The following KCNN2 variants were observed in gnomAD, a reference collection of about 807,000 sequenced individuals.
The protein encoded by KCNN2 is potassium calcium-activated channel subfamily N member 2, also known as small conductance calcium-activated potassium channel protein 2.
KCNN2 carries 24 observed loss-of-function variants against 55.5 expected under a neutral mutation model. The ratio of observed to expected loss-of-function variants is 0.43; its 90% CI spans 0.31 to 0.61. KCNN2 has a LOEUF of 0.61. Among genes scored for constraint, KCNN2 ranks in the 20% least tolerant of loss-of-function variants. The pLI is 0.08. For synonymous variants in KCNN2, 431 were observed against 336.1 expected (o/e 1.28, Z -3.09); for missense variants, 754 against 853.6 (o/e 0.88, Z 1.45).
At chr5:114,478,456 C>T (rs574193080) in intron 5 of KCNN2, among the ~76,000 whole-genome samples, 112 of 151,812 alleles carry the variant, frequency 7.4e-4, no homozygotes, top group African/African-American at 2.6e-3. Context: ...GAGTATGGTA[C>T]TAAGTTGGAA....
intron 2 of KCNN2, among the ~76,000 whole-genome samples, chr5:114,253,239 T>C (rs918288080): frequency 6.6e-6 from 1 of 150,670 alleles, no homozygotes; most frequent in Non-Finnish European, 1.5e-5. Flanking sequence ...CTTCAACCCC[T>C]AAATAAAACA....
At chr5:114,071,171 G>C (rs1470884737) in intron 1 of KCNN2, among the ~76,000 whole-genome samples, 1 of 152,186 alleles carries the variant, frequency 6.6e-6, no homozygotes, top group African/African-American at 2.4e-5. Flanking sequence ...TTATATAATG[G>C]CTGTAATTTC....
At chr5:114,142,990 G>A (rs1043275563) in intron 1 of KCNN2, among the ~76,000 whole-genome samples, 15 of 152,060 alleles carry the variant, frequency 9.9e-5, no homozygotes, top group African/African-American at 2.9e-4. Context: ...GCAATGCAAC[G>A]GGGCTCTTTC....
chr5:114,323,142 A>G (rs1361517751), intron 2 of KCNN2, among the ~76,000 whole-genome samples: 1 of 152,214 alleles, frequency 6.6e-6, no homozygotes, highest in Non-Finnish European at 1.5e-5. Context: ...TCCTGGAAAA[A>G]GAGGAACCCC....
At chr5:114,070,708 T>G (rs1355044330) in intron 1 of KCNN2, among the ~76,000 whole-genome samples, 1 of 152,202 alleles carries the variant, frequency 6.6e-6, no homozygotes, top group African/African-American at 2.4e-5. Context: ...TTATCAATTT[T>G]ATTTGTGAAT....
chr5:114,433,718 G>A (rs989144561), intron 3 of KCNN2: 10 of 152,672 alleles, frequency 6.5e-5, no homozygotes, highest in Admixed American at 4.6e-4. Flanking sequence ...ACCGCCTTAA[G>A]AGCTGTAACA....
intron 2 of KCNN2, among the ~76,000 whole-genome samples, chr5:114,340,667 CATGT>C (rs893305893): frequency 2.2e-3 from 148 of 68,590 alleles, no homozygotes; most frequent in African/African-American, 5.5e-3. Context: ...TGTGTGTGTG[CATGT>C]GTGTGTGTGT....
chr5:114,130,126 T>C (rs576262979), intron 1 of KCNN2, among the ~76,000 whole-genome samples: 107 of 152,366 alleles, frequency 7.0e-4, no homozygotes, highest in South Asian at 1.7e-3. Context: ...AGCACTTTCT[T>C]TCTATCATTT....
At chr5:114,307,076 C>T (rs1756295278) in intron 2 of KCNN2, among the ~76,000 whole-genome samples, 1 of 152,104 alleles carries the variant, frequency 6.6e-6, no homozygotes, top group Non-Finnish European at 1.5e-5. Context: ...TTCCATAGTC[C>T]TTGCAAAGTC....
intron 2 of KCNN2, among the ~76,000 whole-genome samples, chr5:114,300,997 A>G (rs1317968135): frequency 6.6e-6 from 1 of 152,102 alleles, no homozygotes; most frequent in African/African-American, 2.4e-5. Context: ...TATTATTTTT[A>G]GTAATAACTT....
intron 3 of KCNN2, among the ~76,000 whole-genome samples, chr5:114,406,984 C>T (rs996924858): frequency 1.3e-5 from 2 of 152,058 alleles, no homozygotes; most frequent in African/African-American, 4.8e-5. Context: ...ATTGAAGTAT[C>T]CATTTTCTTC....
intron 2 of KCNN2, among the ~76,000 whole-genome samples, chr5:114,291,718 G>T (rs1755892894): frequency 6.6e-6 from 1 of 152,182 alleles, no homozygotes; most frequent in African/African-American, 2.4e-5. Context: ...TAATGGGATG[G>T]CTAGGTCAAA....
intron 3 of KCNN2, among the ~76,000 whole-genome samples, chr5:114,413,009 TC>T (rs1759183583): frequency 6.6e-6 from 1 of 152,228 alleles, no homozygotes. Flanking sequence ...AACTTGTACT[TC>T]CAAGTTGGTC....
At chr5:114,391,469 A>C (rs927690604) in intron 2 of KCNN2, among the ~76,000 whole-genome samples, 1 of 152,126 alleles carries the variant, frequency 6.6e-6, no homozygotes, top group African/African-American at 2.4e-5. Context: ...TCAAGCCAGA[A>C]ATTAAATCCA....
chr5:114,124,507 C>T (rs1751892399), intron 1 of KCNN2, among the ~76,000 whole-genome samples: 1 of 152,154 alleles, frequency 6.6e-6, no homozygotes, highest in Admixed American at 6.5e-5. Context: ...AAGTAAGGGA[C>T]ATTGTGTGTG....
chr5:114,151,158 C>T lies in KCNN2; in HGVS notation c.-270-70322C>T, dbSNP rs1752515089. 3.3e-5 allele frequency among the ~76,000 whole-genome samples: 5 copies of T among 151,468 alleles called. No homozygotes were observed. The South Asian group carries it at 1.0e-3, about 32-fold the overall frequency. On this transcript the variant is annotated intron_variant, in intron 1 of 10. Transcript: ENST00000512097. The stretch of plus-strand genomic sequence containing the variant: ...CACTGAGAAACTTTCTAGTGTAAAA[C>T]AGATCTGTTACATTTGGGTAGAGTT...
chr5:114,324,039 T>G (rs1280110225), intron 2 of KCNN2, among the ~76,000 whole-genome samples: 1 of 152,184 alleles, frequency 6.6e-6, no homozygotes, highest in East Asian at 1.9e-4. Context: ...AAACCAAATC[T>G]TCCTAGAATC....
chr5:114,445,354 T>C (rs369622346), intron 3 of KCNN2, among the ~76,000 whole-genome samples: 10 of 152,224 alleles, frequency 6.6e-5, no homozygotes, highest in Admixed American at 3.3e-4. Context: ...CCCTTTTCAA[T>C]TGTAGATGTC....
intron 1 of KCNN2, among the ~76,000 whole-genome samples, chr5:114,144,090 A>C: frequency 6.6e-6 from 1 of 152,226 alleles, no homozygotes; most frequent in East Asian, 1.9e-4. Context: ...AGAGGCCTCA[A>C]AAATCTGTTC....
Sources: gnomAD v4.1 joint callset for allele counts (sites outside exome capture counted in the v4.1 genomes callset) on GRCh38, gnomAD v4.1.1 for gene constraint, MANE v1.5 for transcripts, NCBI Gene and HGNC (gene_info 2026-07-23, HGNC 2026-07-21) for gene names.